Variants in DMXL1 observed in about 807,000 individuals in gnomAD.
The protein encoded by DMXL1 is dmX-like protein 1.
DMXL1 carries 99 observed loss-of-function variants against 319.2 expected under a neutral mutation model. The observed-to-expected ratio is 0.31, with a 90% CI of 0.26 to 0.37. DMXL1 has a LOEUF of 0.37. Ranked by LOEUF, DMXL1 falls within the 10% of genes least tolerant of loss-of-function variation. The pLI is 1.00. For missense variants in DMXL1, 3,745 were observed against 3,595.6 expected, an observed-to-expected ratio of 1.04 and a Z score of -1.06; for synonymous variants, 1,385 against 1,235.2, an observed-to-expected ratio of 1.12 and a Z score of -2.54.
intron 34 of DMXL1, among the ~76,000 whole-genome samples, chr5:119,210,757 G>GTTTTTTTTTTTTTTTTTTTTCT: frequency 1.0e-4 from 9 of 89,772 alleles, no homozygotes; most frequent in African/African-American, 2.0e-4. Context: ...TTTTTCTTTC[G>GTTTTTTTTTTTTTTTTTTTTCT]TTTTTTTTTT....
At chr5:119,129,636 C>T (rs1321242976) in intron 10 of DMXL1, among the ~76,000 whole-genome samples, 1 of 152,152 alleles carries the variant, frequency 6.6e-6, no homozygotes, top group African/African-American at 2.4e-5. Flanking sequence ...TCTCATTCTT[C>T]TGGTTTTGTT....
chr5:119,179,146 T>C (rs1468745365), intron 28 of DMXL1, among the ~76,000 whole-genome samples: 5 of 152,192 alleles, frequency 3.3e-5, no homozygotes, highest in Non-Finnish European at 4.4e-5. Flanking sequence ...CTTTCTAATG[T>C]TAAAACTGTA....
chr5:119,149,479 T>G lies in DMXL1; in HGVS notation c.3652T>G (p.Ser1218Ala), dbSNP rs1463566137. The G allele has an allele frequency of 1.9e-6, 3 of 1,613,888 alleles. No individual in the cohort carries two copies. The South Asian group carries it at 3.3e-5, about 18-fold the overall frequency. The change falls in exon 18 of 44, where the codon TCT becomes GCT. Residue 1218 changes from serine (S) to alanine (A), a missense_variant. By Grantham distance (99) the Ser-to-Ala change is moderately conservative. Transcript: ENST00000539542. ...SVDGSPPFPV[S>A]LSWVRDGILV... is the part of the protein sequence containing the mutation. ...AGATGGCTCCCCACCTTTTCCTGTT[T>G]CTTTATCGTGGGTCCGGGATGGCAT...
At chr5:119,096,793 CT>C in intron 1 of DMXL1, among the ~76,000 whole-genome samples, 2 of 152,286 alleles carry the variant, frequency 1.3e-5, no homozygotes, top group South Asian at 4.1e-4. Context: ...TGTATACTTT[CT>C]TTTGTTGTGA....
intron 19 of DMXL1, among the ~76,000 whole-genome samples, chr5:119,164,094 ATG>A (rs764554028): frequency 3.4e-5 from 5 of 147,178 alleles, no homozygotes; most frequent in Admixed American, 1.4e-4. Context: ...TGCTTGCTTG[ATG>A]TTTTTTTTTT....
chr5:119,237,599 T>A (rs1787989620), intron 40 of DMXL1, among the ~76,000 whole-genome samples, 185 bp downstream of exon 40: 1 of 152,046 alleles, frequency 6.6e-6, no homozygotes, highest in African/African-American at 2.4e-5. Flanking sequence ...ATAAAATTCC[T>A]TAGTCTCTGA....
chr5:119,164,404 T>C (rs1211560379), intron 19 of DMXL1, 103 bp from the exon 20 acceptor site: 7 of 1,045,968 alleles, frequency 6.7e-6, no homozygotes, highest in Non-Finnish European at 9.4e-6. Context: ...GTGAGTCTCA[T>C]AGAAGTTTAC....
chr5:119,084,245 A>C (rs1162380418), intron 1 of DMXL1, among the ~76,000 whole-genome samples: 1 of 151,716 alleles, frequency 6.6e-6, no homozygotes, highest in Non-Finnish European at 1.5e-5. Context: ...CTCAACCTCC[A>C]GGTAGCTGGG....
At chr5:119,106,453 A>C (rs1268378278) in intron 4 of DMXL1, among the ~76,000 whole-genome samples, 1 of 152,214 alleles carries the variant, frequency 6.6e-6, no homozygotes, top group African/African-American at 2.4e-5. Context: ...GAGGGAAGGC[A>C]CAGAGAGAGA....
At position 119,071,270 on chromosome 5, in the gene DMXL1, C is replaced by G; in HGVS notation, c.-300C>G. 5.0e-6 allele frequency: 2 copies of G among 397,214 alleles called. No homozygotes were observed. Among genetic ancestry groups the G allele is most frequent in the Non-Finnish European group, 9.2e-6 (2 of 218,210 alleles). The allele number at this position is 397,214 out of a possible 1,614,324, so 24.6% of individuals were successfully genotyped here. A position where few individuals can be genotyped will look rare whatever the true frequency, so the allele number is the denominator to read the frequency against. ...GCCTTCCTGGCCGGTGAGTCGGCCC[C>G]GGGTCGTGGCCGGTGAGGGGACCCT... On this transcript the variant is annotated 5_prime_UTR_variant, in exon 1 of 44. Coordinates refer to ENST00000539542, the MANE Select transcript of DMXL1 (RefSeq NM_001290321.3).
chr5:119,246,922 C>A, intron 43 of DMXL1, 73 bp from the exon 44 acceptor site: 1 of 1,157,664 alleles, frequency 8.6e-7, no homozygotes. Context: ...CATGAGCCAC[C>A]GCACCTGGCC....
At chr5:119,102,052 G>GT (rs1561582052) in intron 3 of DMXL1, 46 bp downstream of exon 3, 1 of 1,256,086 alleles carries the variant, frequency 8.0e-7, no homozygotes, top group Non-Finnish European at 1.1e-6. Flanking sequence ...AATGTTTTAA[G>GT]TATTGAAAGA....
rs1769259239 is a variant in DMXL1 at position 119,149,328 on chromosome 5, C to T, written c.3501C>T (p.Pro1167=). ...GATCAAAACTTTTTATGTATGGACC[C>T]CTGGCTGGCAAGGTACAAGACCAAA... is the stretch of plus-strand genomic sequence containing the variant. ...GIGSKLFMYG[P]LAGKVQDQTG... Residue 1167 remains proline (P), a synonymous_variant, in exon 18 of 44, where the codon CCC becomes CCT. Coordinates refer to ENST00000539542, the MANE Select transcript of DMXL1 (RefSeq NM_001290321.3). 5.6e-6 allele frequency: 9 copies of T among 1,613,888 alleles called. No homozygotes were observed. The highest frequency in any genetic ancestry group is 7.6e-6 in the Non-Finnish European group (9 of 1,179,904).
chr5:119,177,517 T>G (rs1372407736), intron 27 of DMXL1, 33 bp downstream of exon 27: 5 of 1,549,330 alleles, frequency 3.2e-6, no homozygotes. Flanking sequence ...AGTTTTTTCT[T>G]AGTCTTATTT....
At chr5:119,213,761 A>C (rs1469044632) in intron 34 of DMXL1, among the ~76,000 whole-genome samples, 2 of 152,122 alleles carry the variant, frequency 1.3e-5, no homozygotes, top group Non-Finnish European at 2.9e-5. Flanking sequence ...AGCCCACTCC[A>C]CTGAGATTGT....
chr5:119,122,631 C>A (rs1489449281), intron 9 of DMXL1, among the ~76,000 whole-genome samples: 1 of 149,470 alleles, frequency 6.7e-6, no homozygotes, highest in Non-Finnish European at 1.5e-5. Context: ...TCAGACGGGG[C>A]GGCCGGGCAG....
intron 1 of DMXL1, among the ~76,000 whole-genome samples, chr5:119,092,805 G>A (rs1755080856): frequency 6.6e-6 from 1 of 152,164 alleles, no homozygotes; most frequent in East Asian, 1.9e-4. Context: ...CTTTTGTAAA[G>A]TTCATCCATG....
chr5:119,206,760 A>T (rs1453243604), intron 33 of DMXL1, 74 bp from the exon 34 acceptor site: 1 of 900,972 alleles, frequency 1.1e-6, no homozygotes, highest in Non-Finnish European at 1.7e-6. Flanking sequence ...TATAGCATTG[A>T]AACAATCCCC....
intron 20 of DMXL1, 146 bp downstream of exon 20, chr5:119,164,822 G>A (rs942896961): frequency 2.4e-5 from 16 of 660,412 alleles, no homozygotes; most frequent in Non-Finnish European, 3.5e-5. Context: ...CATTTATAAC[G>A]TGTTTCAAAA....
Sources: allele counts gnomAD v4.1 joint callset (sites outside exome capture counted in the v4.1 genomes callset), GRCh38; gene constraint gnomAD v4.1.1; transcripts MANE v1.5; gene names NCBI Gene and HGNC (gene_info 2026-07-23, HGNC 2026-07-21).